The following LRCH2 variants were observed in gnomAD, a reference collection of about 807,000 sequenced individuals.
LRCH2 encodes leucine-rich repeat and calponin homology domain-containing protein 2.
Under a neutral mutation model 68.9 loss-of-function variants are expected in LRCH2, and 38 were observed. The observed-to-expected ratio is 0.55, with a 90% CI of 0.43 to 0.72. LRCH2 has a LOEUF of 0.72. LRCH2 is among the 30% of genes least tolerant of loss of function. The pLI is 0.00. For missense variants in LRCH2, 528 were observed against 572.9 expected, an observed-to-expected ratio of 0.92 and a Z score of 0.80; for synonymous variants, 191 against 208.1, an observed-to-expected ratio of 0.92 and a Z score of 0.71.
At chrX:115,233,137 C>T (rs2073163712) in intron 1 of LRCH2, among the ~76,000 whole-genome samples, 1 of 111,820 alleles carries the variant, frequency 8.9e-6, no homozygotes, top group Non-Finnish European at 1.9e-5. Flanking sequence ...ACCTTCTCAA[C>T]ACCAGGAAAA....
intron 1 of LRCH2, among the ~76,000 whole-genome samples, chrX:115,221,682 T>C (rs1453026300): frequency 8.9e-6 from 1 of 112,400 alleles, no homozygotes; most frequent in East Asian, 2.8e-4. Flanking sequence ...CTTCTAATGC[T>C]AACATTTTTG....
chrX:115,165,556 A>G lies in LRCH2; in HGVS notation c.1296+2T>C. 8.8e-7 allele frequency: 1 copy of G among 1,139,023 alleles called. No individual in the cohort carries two copies. Among genetic ancestry groups the G allele is most frequent in the Non-Finnish European group, 1.2e-6 (1 of 849,806 alleles). The allele number at this position is 1,139,023 out of a possible 1,213,427, so 93.9% of individuals were successfully genotyped here. A position where few individuals can be genotyped will look rare whatever the true frequency, so the allele number is the denominator to read the frequency against. Reference sequence around the variant, plus strand: ...TTAATATTTGTTCAAAGTTTTATTTACCTTAAAGAATGATACAAATGATCC... The same window carrying G: ...TTAATATTTGTTCAAAGTTTTATTTGCCTTAAAGAATGATACAAATGATCC... On this transcript the variant is annotated splice_donor_variant, in intron 9 of 20. Transcript: ENST00000317135. LOFTEE classifies it high-confidence loss of function.
At chrX:115,138,278 G>T (rs1229610148) in intron 14 of LRCH2, among the ~76,000 whole-genome samples, 5 of 111,548 alleles carry the variant, frequency 4.5e-5, no homozygotes, top group Non-Finnish European at 9.4e-5. Flanking sequence ...GAATGTCATA[G>T]AGAGACACAG....
intron 1 of LRCH2, chrX:115,192,391 G>A (rs1416885579): frequency 3.4e-6 from 4 of 1,165,211 alleles, no homozygotes; most frequent in South Asian, 3.8e-5. Context: ...AGGCCACTAC[G>A]AGGAGTACCA....
chrX:115,138,672 AAGAACTT>A (rs2072310598), intron 14 of LRCH2, among the ~76,000 whole-genome samples: 1 of 112,034 alleles, frequency 8.9e-6, no homozygotes, highest in South Asian at 3.7e-4. Context: ...TGATATACTT[AAGAACTT>A]AGAAAATGGG....
At chrX:115,224,055 T>TA (rs1391239823) in intron 1 of LRCH2, among the ~76,000 whole-genome samples, 4 of 112,078 alleles carry the variant, frequency 3.6e-5, no homozygotes, top group Non-Finnish European at 5.6e-5. Flanking sequence ...ATAATACTGG[T>TA]ACATGCTACA....
intron 5 of LRCH2, among the ~76,000 whole-genome samples, chrX:115,177,425 C>CT (rs2072659007): frequency 1.8e-5 from 2 of 110,840 alleles, no homozygotes; most frequent in African/African-American, 6.6e-5. Context: ...GGAAGAAATC[C>CT]ACCAATTCTG....
intron 11 of LRCH2, among the ~76,000 whole-genome samples, chrX:115,160,019 T>G (rs1375104813): frequency 9.0e-6 from 1 of 111,142 alleles, no homozygotes; most frequent in Non-Finnish European, 1.9e-5. Context: ...AAAGACATTT[T>G]AAAAAATAAT....
At chrX:115,135,079 A>G (rs947820317) in intron 14 of LRCH2, among the ~76,000 whole-genome samples, 43 of 110,362 alleles carry the variant, frequency 3.9e-4, no homozygotes, top group African/African-American at 1.3e-3. Flanking sequence ...TGGAAACAGC[A>G]GGAGAACTAA....
chrX:115,182,511 G>A (rs1436678356), intron 3 of LRCH2, among the ~76,000 whole-genome samples: 3 of 111,764 alleles, frequency 2.7e-5, no homozygotes, highest in East Asian at 2.8e-4. Flanking sequence ...AGGTAATAAG[G>A]ATGTTTAAGC....
chrX:115,202,426 G>GT (rs1331125327), intron 1 of LRCH2, among the ~76,000 whole-genome samples: 2 of 111,812 alleles, frequency 1.8e-5, no homozygotes, highest in Non-Finnish European at 3.8e-5. Context: ...TGGGTACAAT[G>GT]TATGTTATTT....
chrX:115,206,519 G>A (rs2072968495), intron 1 of LRCH2, among the ~76,000 whole-genome samples: 1 of 112,524 alleles, frequency 8.9e-6, no homozygotes, highest in Non-Finnish European at 1.9e-5. Context: ...GCCTGAAGGA[G>A]ATGCTCCTAT....
At chrX:115,177,046 CTTT>C (rs35686915) in intron 5 of LRCH2, among the ~76,000 whole-genome samples, 1 of 66,659 alleles carries the variant, frequency 1.5e-5, no homozygotes, top group African/African-American at 7.1e-5. Flanking sequence ...CGCACCCAGC[CTTT>C]TTTTTTTTTT....
chrX:115,160,382 T>C (rs2072510439), intron 11 of LRCH2, among the ~76,000 whole-genome samples: 1 of 111,984 alleles, frequency 8.9e-6, no homozygotes, highest in Non-Finnish European at 1.9e-5. Context: ...GTGGCAAAAC[T>C]GCCATAAGGA....
intron 20 of LRCH2, among the ~76,000 whole-genome samples, chrX:115,113,972 C>A (rs1417892707): frequency 9.0e-6 from 1 of 111,001 alleles, no homozygotes; most frequent in Non-Finnish European, 1.9e-5. Context: ...GTATTCTCAT[C>A]TATTTCTAGT....
At position 115,113,093 on chromosome X, in the gene LRCH2, A is replaced by T. The variant is rs782262553; in HGVS notation, c.*123T>A. ...TTTGATGTTTCAATGTAATTTTTTT[A>T]AAATCCTAAGGCGTGACCTAAGGCA... On this transcript the variant is annotated 3_prime_UTR_variant, in exon 21 of 21. Coordinates refer to ENST00000317135, the MANE Select transcript of LRCH2 (RefSeq NM_020871.4). The T allele has an allele frequency of 1.5e-5, 9 of 610,834 alleles. No individual in the cohort carries two copies. Among genetic ancestry groups the T allele is most frequent in the South Asian group, 8.1e-5 (1 of 12,361 alleles). The allele number at this position is 610,834 out of a possible 1,213,427, so 50.3% of individuals were successfully genotyped here.
chrX:115,183,049 C>T (rs964580549), intron 3 of LRCH2, among the ~76,000 whole-genome samples: 3 of 108,533 alleles, frequency 2.8e-5, no homozygotes, highest in Non-Finnish European at 5.7e-5. Flanking sequence ...AGGACAGTCA[C>T]GCATGCACAC....
At chrX:115,186,239 A>C (rs967410263) in intron 2 of LRCH2, among the ~76,000 whole-genome samples, 1 of 109,395 alleles carries the variant, frequency 9.1e-6, no homozygotes, top group African/African-American at 3.3e-5. Context: ...TATACTTCCA[A>C]CTACTTGGGA....
chrX:115,218,891 T>C (rs918107373), intron 1 of LRCH2, among the ~76,000 whole-genome samples: 12 of 112,312 alleles, frequency 1.1e-4, no homozygotes, highest in Non-Finnish European at 2.3e-4. Flanking sequence ...TTTTGTCCAA[T>C]TCTTTGTTCA....
Sources: allele counts gnomAD v4.1 joint callset (sites outside exome capture counted in the v4.1 genomes callset), GRCh38; gene constraint gnomAD v4.1.1; transcripts MANE v1.5; gene names NCBI Gene and HGNC (gene_info 2026-07-23, HGNC 2026-07-21).